Variants in GRIP2 observed in about 807,000 individuals in gnomAD.
GRIP2 encodes the protein glutamate receptor interacting protein 2, also known as glutamate receptor-interacting protein 2.
Under a neutral mutation model 108.3 loss-of-function variants are expected in GRIP2, and 58 were observed. That is an observed-to-expected ratio of 0.54 (90% CI 0.43 to 0.67). The LOEUF (loss-of-function observed/expected upper bound fraction) is 0.67, where lower values mean the gene tolerates loss of function less well. GRIP2 is among the 30% of genes least tolerant of loss of function. GRIP2 has a pLI of 0.00. For synonymous variants in GRIP2, 586 were observed against 598.2 expected (o/e 0.98, Z 0.30); for missense variants, 1,278 against 1,430.6 (o/e 0.89, Z 1.72).
At chr3:14,571,189 A>T in the GRIP2 span, among the ~76,000 whole-genome samples, 1 of 152,002 alleles carries the variant, frequency 6.6e-6, no homozygotes, top group South Asian at 2.1e-4. Context: ...TGTCTAGGAG[A>T]GTGTCTGTAC....
At chr3:14,596,494 G>A in the GRIP2 span, among the ~76,000 whole-genome samples, 2 of 152,098 alleles carry the variant, frequency 1.3e-5, no homozygotes, top group Non-Finnish European at 1.5e-5. Flanking sequence ...CTGTCCCCAG[G>A]CCCATCTCAC....
the GRIP2 span, among the ~76,000 whole-genome samples, chr3:14,566,499 G>T: frequency 3.3e-5 from 5 of 152,236 alleles, no homozygotes; most frequent in African/African-American, 1.2e-4. Flanking sequence ...CATTAGAACC[G>T]CAGCAGAGAA....
intron 1 of GRIP2, among the ~76,000 whole-genome samples, chr3:14,547,094 C>T (rs1695069914): frequency 1.3e-5 from 2 of 151,938 alleles, no homozygotes; most frequent in African/African-American, 4.8e-5. Context: ...TGTTGTGTGA[C>T]ACAGCAGTTA....
chr3:14,533,604 G>A (rs1008572966), intron 1 of GRIP2, among the ~76,000 whole-genome samples: 2 of 152,076 alleles, frequency 1.3e-5, no homozygotes, highest in African/African-American at 2.4e-5. Context: ...CAGGGTGCCC[G>A]ATGTTGGCTG....
At chr3:14,579,687 C>CCCACTCTGCCACCTG in the GRIP2 span, among the ~76,000 whole-genome samples, 8 of 151,860 alleles carry the variant, frequency 5.3e-5, no homozygotes, top group Non-Finnish European at 1.2e-4. Flanking sequence ...GCCTTCACAA[C>CCCACTCTGCCACCTG]CCTGGGGAAA....
chr3:14,569,689 C>A, the GRIP2 span, among the ~76,000 whole-genome samples: 1 of 152,184 alleles, frequency 6.6e-6, no homozygotes, highest in African/African-American at 2.4e-5. Flanking sequence ...CTCCACCACC[C>A]CCCTCTTGCT....
chr3:14,552,028 C>G (rs1695158689), intron 1 of GRIP2, among the ~76,000 whole-genome samples: 1 of 152,104 alleles, frequency 6.6e-6, no homozygotes, highest in Non-Finnish European at 1.5e-5. Context: ...TTCTGCAATT[C>G]TAGGACGAGA....
Position 14,523,683 on chromosome 3 carries a change from G to A in GRIP2, c.419C>T (p.Pro140Leu). 1 of 1,610,772 alleles carries A rather than the reference G, an allele frequency of 6.2e-7. No homozygotes were observed. Among genetic ancestry groups the A allele is most frequent in the South Asian group, 1.1e-5 (1 of 90,082 alleles). Reference protein sequence around the residue: ...ELPPPAPENNPRIISKTVDVS... With the variant: ...ELPPPAPENNLRIISKTVDVS... ...GTCCACTGTCTTTGAAATGATCCTG[G>A]GGTTATTCTCAGGAGCTGGGGAGAA... The change falls in exon 5 of 24, where the codon CCC (proline) becomes CTC (leucine). Residue 140 changes from proline (P) to leucine (L), a missense_variant. Transcript: ENST00000621039.
intron 13 of GRIP2, 28 bp downstream of exon 13, chr3:14,513,637 G>A (rs1694162268): frequency 6.3e-7 from 1 of 1,587,518 alleles, no homozygotes; most frequent in Non-Finnish European, 8.6e-7. Context: ...CCTGAAATAT[G>A]AGGAGGAAGC....
intron 17 of GRIP2, among the ~76,000 whole-genome samples, chr3:14,508,410 C>T (rs561966309): frequency 1.3e-5 from 2 of 152,324 alleles, no homozygotes; most frequent in Non-Finnish European, 2.9e-5. Context: ...GCAGCCAGGG[C>T]TGAGCAGGGG....
At position 14,522,972 on chromosome 3, in the gene GRIP2, T is replaced by C. The variant is rs1575014589; in HGVS notation, c.566+28A>G. 1 of 1,599,912 alleles carries C rather than the reference T, an allele frequency of 6.3e-7. No homozygotes were observed. Among genetic ancestry groups the C allele is most frequent in the South Asian group, 1.1e-5 (1 of 90,798 alleles). The stretch of plus-strand genomic sequence containing the variant: ...GGGGAGTTGGGGCAGGTCAGTGCAG[T>C]GTGTGGATTTCTTCTGCCTCGGCTC... On this transcript the variant is annotated intron_variant, in intron 6 of 23. Transcript: ENST00000621039. This position sits in a 1 kb window ranked among gnomAD's most constrained non-coding sequence, Gnocchi z 4.3.
the GRIP2 span, chr3:14,573,442 A>G: frequency 2.0e-6 from 3 of 1,470,552 alleles, no homozygotes; most frequent in East Asian, 2.3e-5. Flanking sequence ...AGGAAGAGGG[A>G]CAGCCACAGG....
chr3:14,597,724 A>T, the GRIP2 span, among the ~76,000 whole-genome samples: 1 of 152,148 alleles, frequency 6.6e-6, no homozygotes, highest in Non-Finnish European at 1.5e-5. Flanking sequence ...AGCAAAAGAG[A>T]TGATTTTAAA....
chr3:14,520,129 T>C lies in GRIP2; in HGVS notation c.1011A>G (p.Pro337=). The part of the protein sequence containing the change: ...EILPVPQSQR[P]LRPSEAVKVQ... ...ACCCACCTGCCTCTGAGGGCCTCAGTGGCCGCTGACTCTGGGGCACAGGCA... is the reference window on the plus strand; with the variant it reads ...ACCCACCTGCCTCTGAGGGCCTCAGCGGCCGCTGACTCTGGGGCACAGGCA... The change falls in exon 9 of 24, where the codon CCA becomes CCG. Residue 337 remains proline, a synonymous_variant. Transcript: ENST00000621039. 2 of 1,604,666 alleles carry C rather than the reference T, an allele frequency of 1.2e-6. No homozygotes were observed. Among genetic ancestry groups the C allele is most frequent in the Non-Finnish European group, 1.7e-6 (2 of 1,176,622 alleles).
intron 1 of GRIP2, among the ~76,000 whole-genome samples, chr3:14,555,256 T>C (rs1436620043): frequency 6.6e-6 from 1 of 151,432 alleles, no homozygotes; most frequent in East Asian, 1.9e-4. Flanking sequence ...GTACAGCCCC[T>C]CGCTCCCTCC....
rs1337296758 is a variant in GRIP2, at chr3:14,527,449, G to A, written c.41-1518C>T. Among the ~76,000 whole-genome samples the A allele has an allele frequency of 1.3e-5, 2 of 151,698 alleles. 1 individual carries two copies. The highest frequency in any genetic ancestry group is 4.8e-5 in the African/African-American group (2 of 41,286). On this transcript the variant is annotated intron_variant, in intron 1 of 23. Coordinates refer to ENST00000621039, the MANE Select transcript of GRIP2 (RefSeq NM_001080423.4). Reference sequence around the variant, plus strand: ...GGGAGGGGAGGGGAGGGAAGAGGGAGGGAAGGAGGAAGAAAAGGGAAGTAA... The same window carrying A: ...GGGAGGGGAGGGGAGGGAAGAGGGAAGGAAGGAGGAAGAAAAGGGAAGTAA...
At position 14,512,974 on chromosome 3, in the gene GRIP2, C is replaced by G. The variant is rs1694141226; in HGVS notation, c.1640-117G>C. The G allele has an allele frequency of 2.4e-6, 2 of 819,016 alleles. No individual in the cohort carries two copies. The highest frequency in any genetic ancestry group is 4.1e-6 in the Non-Finnish European group (2 of 486,410). 50.7% of individuals were successfully genotyped at this position (819,016 alleles called of 1,614,324 possible). On this transcript the variant is annotated intron_variant, in intron 13 of 23. Coordinates refer to ENST00000621039, the MANE Select transcript of GRIP2 (RefSeq NM_001080423.4). This position sits in a 1 kb window ranked among gnomAD's most constrained non-coding sequence, Gnocchi z 5.1. ...TGACCCCGAAAGTCACAGTTCTAATCTCATCCCCCTGCTTCCTCTCAACAG... is the reference window on the plus strand; with the variant it reads ...TGACCCCGAAAGTCACAGTTCTAATGTCATCCCCCTGCTTCCTCTCAACAG...
chr3:14,535,313 C>T (rs529853403), intron 1 of GRIP2, among the ~76,000 whole-genome samples: 5 of 152,284 alleles, frequency 3.3e-5, no homozygotes, highest in Non-Finnish European at 5.9e-5. Context: ...GGATCTGGGA[C>T]AAGTCACTTC....
the GRIP2 span, among the ~76,000 whole-genome samples, chr3:14,601,492 C>G: frequency 6.6e-6 from 1 of 152,210 alleles, no homozygotes; most frequent in South Asian, 2.1e-4. Context: ...TAGGCACCCT[C>G]TCTACCCTAA....
Sources: allele counts gnomAD v4.1 joint callset (sites outside exome capture counted in the v4.1 genomes callset), GRCh38; gene constraint gnomAD v4.1.1; non-coding constraint Gnocchi (gnomAD v3.1); transcripts MANE v1.5; gene names NCBI Gene and HGNC (gene_info 2026-07-23, HGNC 2026-07-21).